The following RHBDD1 variants were observed in gnomAD, a reference collection of about 807,000 sequenced individuals.
RHBDD1 encodes the protein rhomboid-related protein 4.
Under a neutral mutation model 36.3 loss-of-function variants are expected in RHBDD1, and 38 were observed. The ratio of observed to expected loss-of-function variants is 1.05; its 90% CI spans 0.81 to 1.37. RHBDD1 has a LOEUF of 1.37. RHBDD1 is among the 40% of genes most tolerant of loss of function. RHBDD1 has a pLI of 0.00. For missense variants in RHBDD1, 393 were observed against 377.6 expected, an observed-to-expected ratio of 1.04 and a Z score of -0.34; for synonymous variants, 151 against 136.5, an observed-to-expected ratio of 1.11 and a Z score of -0.74.
At chr2:226,894,696 A>C (rs1946959700) in intron 5 of RHBDD1, among the ~76,000 whole-genome samples, 1 of 152,204 alleles carries the variant, frequency 6.6e-6, no homozygotes. Flanking sequence ...TGTGTTATTC[A>C]CAAATTTTAT....
chr2:226,911,553 T>C (rs1309275614), intron 7 of RHBDD1, among the ~76,000 whole-genome samples: 1 of 149,998 alleles, frequency 6.7e-6, no homozygotes, highest in Non-Finnish European at 1.5e-5. Flanking sequence ...TTTTTTTTTT[T>C]TTTTTTTTTT....
At chr2:226,928,677 C>T (rs1327157837) in intron 8 of RHBDD1, among the ~76,000 whole-genome samples, 1 of 151,478 alleles carries the variant, frequency 6.6e-6, no homozygotes, top group Non-Finnish European at 1.5e-5. Context: ...ACAGAAATTG[C>T]AACAACAACA....
chr2:226,809,133 C>A, the RHBDD1 span, among the ~76,000 whole-genome samples: 8 of 152,262 alleles, frequency 5.3e-5, no homozygotes, highest in East Asian at 1.5e-3. Context: ...TGGATAAAAT[C>A]ATCAAGAAAG....
At chr2:226,935,594 T>C (rs549204200) in intron 8 of RHBDD1, among the ~76,000 whole-genome samples, 3 of 152,152 alleles carry the variant, frequency 2.0e-5, no homozygotes, top group Non-Finnish European at 2.9e-5. Context: ...CTAACTTTAT[T>C]TGTGCTGTGA....
In RHBDD1 at chr2:226,959,815, T is replaced by G. The variant is rs182100244; in HGVS notation, c.857-35616T>G. Among the ~76,000 whole-genome samples, 250 of 152,272 alleles carry G rather than the reference T, an allele frequency of 1.6e-3. 1 individual carries two copies. Among genetic ancestry groups the G allele is most frequent in the African/African-American group, 4.9e-3 (202 of 41,546 alleles). On this transcript the variant is annotated intron_variant, in intron 8 of 8. Transcript: ENST00000392062. ...GTGGAAAGTGTATGTTTACTTTTTT[T>G]TTGTTGTTTGTTTATTTTTTGTTTT... is the stretch of plus-strand genomic sequence containing the variant.
the RHBDD1 span, among the ~76,000 whole-genome samples, chr2:226,825,854 G>A: frequency 2.6e-5 from 4 of 152,188 alleles, no homozygotes; most frequent in African/African-American, 7.2e-5. Context: ...TTTGTAAAAT[G>A]GAGACGAAGT....
intron 8 of RHBDD1, among the ~76,000 whole-genome samples, chr2:226,974,830 T>C (rs1359155672): frequency 6.6e-6 from 1 of 152,144 alleles, no homozygotes; most frequent in Non-Finnish European, 1.5e-5. Context: ...CATCGTATAA[T>C]TGGAGATCAC....
chr2:226,830,152 T>C, the RHBDD1 span, among the ~76,000 whole-genome samples: 3 of 152,176 alleles, frequency 2.0e-5, no homozygotes, highest in Non-Finnish European at 2.9e-5. Flanking sequence ...ATGTTCAAAT[T>C]CTAATCTCCA....
rs1390291335 is a variant in RHBDD1 at position 226,998,740 on chromosome 2, A to G, written c.*3218A>G. 1 of 152,174 alleles carries G rather than the reference A, an allele frequency of 6.6e-6. No individual in the cohort carries two copies. The allele number at this position is 152,174 out of a possible 1,614,324, so 9.4% of individuals were successfully genotyped here. A position where few individuals can be genotyped will look rare whatever the true frequency, so the allele number is the denominator to read the frequency against. On this transcript the variant is annotated 3_prime_UTR_variant, in exon 9 of 9. Coordinates refer to ENST00000392062, the MANE Select transcript of RHBDD1 (RefSeq NM_001167608.3). ...TAGTCTTCCAAAATTCACTTTCATG[A>G]TGCCACTCAGCATCTCAAATACCTT...
chr2:226,922,840 AACTGATAACTTAAC>A (rs2125783522), intron 8 of RHBDD1, among the ~76,000 whole-genome samples: 1 of 152,112 alleles, frequency 6.6e-6, no homozygotes, highest in South Asian at 2.1e-4. Context: ...CCTTTTTTTA[AACTGATAACTTAAC>A]ACTGATTGCA....
chr2:226,837,273 C>G (rs1446223207), intron 1 of RHBDD1, among the ~76,000 whole-genome samples: 2 of 152,160 alleles, frequency 1.3e-5, no homozygotes, highest in Non-Finnish European at 2.9e-5. Context: ...CTTATTAGAA[C>G]TGCATAAAAT....
At chr2:226,866,506 G>C (rs774304233) in intron 4 of RHBDD1, among the ~76,000 whole-genome samples, 10 of 152,212 alleles carry the variant, frequency 6.6e-5, no homozygotes, top group Admixed American at 1.3e-4. Flanking sequence ...TACCCAGCTC[G>C]GAAGCGATGG....
At chr2:226,977,813 T>C (rs1413188743) in intron 8 of RHBDD1, among the ~76,000 whole-genome samples, 1 of 152,244 alleles carries the variant, frequency 6.6e-6, no homozygotes, top group African/African-American at 2.4e-5. Flanking sequence ...GTTCTAAGTC[T>C]TGTCTTTGGA....
At chr2:226,872,950 G>A (rs1944908896) in intron 5 of RHBDD1, among the ~76,000 whole-genome samples, 2 of 152,230 alleles carry the variant, frequency 1.3e-5, no homozygotes, top group South Asian at 4.1e-4. Flanking sequence ...TGTTCCTGAT[G>A]TGGGAGAGCC....
At chr2:226,891,245 T>A (rs1378089527) in intron 5 of RHBDD1, among the ~76,000 whole-genome samples, 2 of 152,166 alleles carry the variant, frequency 1.3e-5, no homozygotes, top group African/African-American at 4.8e-5. Flanking sequence ...CCTGTGGTTG[T>A]GGGAGGAATT....
chr2:226,883,473 G>A lies in RHBDD1; in HGVS notation c.566+16155G>A, dbSNP rs115109056. ...AGGGTCTGTTTTACCCAATTGGCCT[G>A]CTCAGAATAACAGAGAAGAGCGGTA... On this transcript the variant is annotated intron_variant, in intron 5 of 8. Coordinates refer to ENST00000392062, the MANE Select transcript of RHBDD1 (RefSeq NM_001167608.3). Among the ~76,000 whole-genome samples the A allele has an allele frequency of 1.5e-3, 235 of 152,318 alleles. 1 individual carries two copies. Among genetic ancestry groups the A allele is most frequent in the African/African-American group, 5.3e-3 (219 of 41,564 alleles).
At chr2:226,974,040 A>G (rs1445248895) in intron 8 of RHBDD1, among the ~76,000 whole-genome samples, 1 of 152,118 alleles carries the variant, frequency 6.6e-6, no homozygotes, top group African/African-American at 2.4e-5. Flanking sequence ...CTCCTTACCC[A>G]GTTTGTCAGG....
At chr2:226,928,827 A>G (rs758824715) in intron 8 of RHBDD1, among the ~76,000 whole-genome samples, 30 of 152,242 alleles carry the variant, frequency 2.0e-4, no homozygotes, top group Non-Finnish European at 2.8e-4. Context: ...AGACACTACA[A>G]CCATCACCAC....
At chr2:226,832,227 T>G (rs1431778501), upstream of RHBDD1, among the ~76,000 whole-genome samples, 2 of 152,214 alleles carry the variant, frequency 1.3e-5, no homozygotes, top group Non-Finnish European at 2.9e-5. Flanking sequence ...ACTTTCTAAT[T>G]TCCTTTAGTA....
Sources: gnomAD v4.1 joint callset for allele counts (sites outside exome capture counted in the v4.1 genomes callset) on GRCh38, gnomAD v4.1.1 for gene constraint, MANE v1.5 for transcripts, NCBI Gene and HGNC (gene_info 2026-07-23, HGNC 2026-07-21) for gene names.